The following GLI2 variants were observed in gnomAD, a reference collection of about 807,000 sequenced individuals.
The protein encoded by GLI2 is GLI family zinc finger 2.
GLI2 carries 22 observed loss-of-function variants against 78.9 expected under a neutral mutation model. The ratio of observed to expected loss-of-function variants is 0.28; its 90% CI spans 0.20 to 0.40. The LOEUF is 0.40. Among genes scored for constraint, GLI2 ranks in the 10% least tolerant of loss-of-function variants. The pLI is 1.00. For missense variants in GLI2, 2,097 were observed against 2,213.2 expected (o/e 0.95, Z 1.05); for synonymous variants, 974 against 963.7 (o/e 1.01, Z -0.20).
chr2:120,792,774 C>T (rs954415251), intron 1 of GLI2, among the ~76,000 whole-genome samples: 3 of 152,156 alleles, frequency 2.0e-5, no homozygotes, highest in Non-Finnish European at 4.4e-5. Context: ...AGGTGCACGC[C>T]ACCATGCCCA....
chr2:120,982,189 T>G (rs1261260062), intron 10 of GLI2, among the ~76,000 whole-genome samples: 1 of 151,918 alleles, frequency 6.6e-6, no homozygotes, highest in Non-Finnish European at 1.5e-5. Flanking sequence ...AAGAACTTAG[T>G]GGAGTCAAAG....
intron 13 of GLI2, among the ~76,000 whole-genome samples, chr2:120,987,308 A>C (rs1051152480): frequency 1.3e-5 from 2 of 152,198 alleles, no homozygotes; most frequent in African/African-American, 2.4e-5. Flanking sequence ...TGTTGTCCCA[A>C]CTTGTGGGGA....
At chr2:120,837,999 A>T (rs1449401581) in intron 2 of GLI2, among the ~76,000 whole-genome samples, 1 of 152,196 alleles carries the variant, frequency 6.6e-6, no homozygotes, top group Admixed American at 6.5e-5. Context: ...CTTTAGGATC[A>T]ACTTGTTAGA....
intron 3 of GLI2, among the ~76,000 whole-genome samples, chr2:120,944,200 G>T (rs6716611): frequency 0.84 from 127,190 of 152,174 alleles, 57,261 homozygotes; most frequent in East Asian, 1. Context: ...AAATCTCATG[G>T]CAGCAGATGG....
Position 120,970,447 on chromosome 2 carries a change from G to A in GLI2, c.900G>A (p.Leu300=), listed in dbSNP as rs745691710. 19 of 1,613,468 alleles carry A rather than the reference G, an allele frequency of 1.2e-5. No homozygotes were observed. Among genetic ancestry groups the A allele is most frequent in the Non-Finnish European group, 1.6e-5 (19 of 1,179,902 alleles). The part of the protein sequence containing the change: ...PINPVAYQQI[L]SQQRGLGSAF... ...ACCCCGTGGCCTACCAGCAGATTCT[G>A]AGCCAGCAGAGGGGTCTGGGGTCAG... Residue 300 remains leucine (L), a synonymous_variant, in exon 7 of 14, where the codon CTG becomes CTA. Coordinates refer to ENST00000361492, the MANE Select transcript of GLI2 (RefSeq NM_001374353.1).
chr2:120,834,180 A>G (rs1029899944), intron 2 of GLI2, among the ~76,000 whole-genome samples: 3 of 152,190 alleles, frequency 2.0e-5, no homozygotes, highest in Admixed American at 6.5e-5. Flanking sequence ...TTGCCATTGA[A>G]AAGATGATTT....
intron 1 of GLI2, among the ~76,000 whole-genome samples, chr2:120,786,617 G>A (rs917095177): frequency 1.3e-5 from 2 of 152,176 alleles, no homozygotes; most frequent in African/African-American, 4.8e-5. Context: ...ATATGTATAG[G>A]CTTCAGTGCT....
At chr2:120,815,662 G>A (rs543197638) in intron 2 of GLI2, among the ~76,000 whole-genome samples, 1 of 152,290 alleles carries the variant, frequency 6.6e-6, no homozygotes, top group Admixed American at 6.5e-5. Flanking sequence ...TCTACCCCTG[G>A]GAGGGCTACC....
chr2:120,986,581 C>A lies in GLI2; in HGVS notation c.2209C>A (p.Arg737=), dbSNP rs138932004. 7.6e-5 allele frequency: 122 copies of A among 1,613,990 alleles called. No individual in the cohort carries two copies. The highest frequency in any genetic ancestry group is 9.9e-5 in the South Asian group (9 of 91,078). ...ATGGGCCGGGCCGACTCCACACACG[C>A]GGAACACCAAGCTGCCTCCCCTCCC... is the stretch of plus-strand genomic sequence containing the variant. ...CSWAGPTPHT[R]NTKLPPLPGS... The change falls in exon 13 of 14, where the codon CGG becomes AGG. Residue 737 remains arginine (R), a synonymous_variant. Transcript: ENST00000361492.
chr2:120,985,457 C>T (rs915724960), intron 12 of GLI2, among the ~76,000 whole-genome samples: 15 of 152,264 alleles, frequency 9.9e-5, no homozygotes, highest in Admixed American at 5.2e-4. Flanking sequence ...GGGAGGCATG[C>T]GTCTAGGCTA....
intron 1 of GLI2, among the ~76,000 whole-genome samples, chr2:120,775,431 G>A (rs1467870787): frequency 2.6e-5 from 4 of 152,218 alleles, no homozygotes; most frequent in African/African-American, 4.8e-5. Context: ...GTGGTGTCAC[G>A]TGTGCCTGCT....
At chr2:120,771,097 T>C (rs752444486) in intron 1 of GLI2, among the ~76,000 whole-genome samples, 23 of 152,232 alleles carry the variant, frequency 1.5e-4, no homozygotes, top group Non-Finnish European at 3.2e-4. Flanking sequence ...AAGGCAGCCA[T>C]GGATACCACC....
intron 2 of GLI2, among the ~76,000 whole-genome samples, chr2:120,867,996 G>A: frequency 6.6e-6 from 1 of 152,172 alleles, no homozygotes; most frequent in South Asian, 2.1e-4. Context: ...GATTCACACT[G>A]TCAGCCGTAG....
chr2:120,973,702 C>T (rs1300293117), intron 8 of GLI2, among the ~76,000 whole-genome samples: 2 of 152,240 alleles, frequency 1.3e-5, no homozygotes, highest in Non-Finnish European at 2.9e-5. Context: ...CTTTGACTTG[C>T]TCCCAATGTA....
chr2:120,778,290 C>T (rs1490197680), intron 1 of GLI2, among the ~76,000 whole-genome samples: 1 of 152,172 alleles, frequency 6.6e-6, no homozygotes, highest in Admixed American at 6.5e-5. Flanking sequence ...TCCTGGCCCA[C>T]TCCTCCTCCT....
At chr2:120,843,502 G>A (rs893228606) in intron 2 of GLI2, among the ~76,000 whole-genome samples, 9 of 152,332 alleles carry the variant, frequency 5.9e-5, no homozygotes, top group South Asian at 2.1e-4. Context: ...CTGAGGTGCC[G>A]TTTAAGGACA....
chr2:120,906,918 G>A (rs1678563853), intron 2 of GLI2, among the ~76,000 whole-genome samples: 2 of 152,168 alleles, frequency 1.3e-5, no homozygotes, highest in Middle Eastern at 6.8e-3. Flanking sequence ...TTCCCGCCCT[G>A]GTAGAGGCCC....
intron 2 of GLI2, among the ~76,000 whole-genome samples, chr2:120,846,819 A>G (rs1281814125): frequency 6.6e-6 from 1 of 152,190 alleles, no homozygotes; most frequent in Non-Finnish European, 1.5e-5. Context: ...GCTGCATCTC[A>G]GAGTTGCTGT....
rs1253468446 is a variant in GLI2, at chr2:120,737,634, C to T, written c.-31+1349C>T. Among the ~76,000 whole-genome samples the T allele has an allele frequency of 6.6e-5, 10 of 152,188 alleles. No homozygotes were observed. The highest frequency in any genetic ancestry group is 5.2e-4 in the Admixed American group (8 of 15,282). On this transcript the variant is annotated intron_variant, in intron 1 of 13. Transcript: ENST00000361492. This position sits in a 1 kb window ranked among gnomAD's most constrained non-coding sequence, Gnocchi z 4.3. Reference sequence around the variant, plus strand: ...GGTGGCCGCAGCGGTGTCCCGGGCCCCCTCTCCGCCGCTCTTGCCGGGCGT... The same window carrying T: ...GGTGGCCGCAGCGGTGTCCCGGGCCTCCTCTCCGCCGCTCTTGCCGGGCGT...
Sources: gnomAD v4.1 joint callset for allele counts (sites outside exome capture counted in the v4.1 genomes callset) on GRCh38, gnomAD v4.1.1 for gene constraint, Gnocchi (gnomAD v3.1) non-coding constraint, MANE v1.5 for transcripts, NCBI Gene and HGNC (gene_info 2026-07-23, HGNC 2026-07-21) for gene names.